The following ARHGEF33 variants were observed in gnomAD, a reference collection of about 807,000 sequenced individuals.
ARHGEF33 encodes the protein Rho guanine nucleotide exchange factor 33.
In ARHGEF33, 72 loss-of-function variants were observed where a neutral mutation model predicts 101.9. That is an observed-to-expected ratio of 0.71 (90% CI 0.58 to 0.86). The LOEUF is 0.86. Among genes scored for constraint, ARHGEF33 ranks in the 40% least tolerant of loss-of-function variants. ARHGEF33 has a pLI of 0.00. For synonymous variants in ARHGEF33, 499 were observed against 442.5 expected, an observed-to-expected ratio of 1.13 and a Z score of -1.60; for missense variants, 1,169 against 1,111.3, an observed-to-expected ratio of 1.05 and a Z score of -0.74.
chr2:38,960,200 A>C lies in ARHGEF33; in HGVS notation c.1895A>C (p.Glu632Ala). 1 of 1,545,232 alleles carries C rather than the reference A, an allele frequency of 6.5e-7. No homozygotes were observed. Residue 632 changes from glutamate (E) to alanine (A), a missense_variant, in exon 16 of 18, where the codon GAG (glutamate) becomes GCG (alanine). Transcript: ENST00000409978. ...GCGCTGCCCGCGCCCTACGACGAGG[A>C]GCCGTTCCAGGCTCCGGCCCTCTTC... is the stretch of plus-strand genomic sequence containing the variant. The part of the protein sequence containing the change: ...IFALPAPYDE[E>A]PFQAPALFEN...
At chr2:38,924,767 T>A (rs1666836490) in intron 4 of ARHGEF33, among the ~76,000 whole-genome samples, 1 of 152,244 alleles carries the variant, frequency 6.6e-6, no homozygotes, top group Admixed American at 6.5e-5. Context: ...ACTAATTAGT[T>A]GAATATATTG....
At chr2:38,934,935 C>T (rs543730292) in intron 7 of ARHGEF33, among the ~76,000 whole-genome samples, 4 of 151,514 alleles carry the variant, frequency 2.6e-5, no homozygotes, top group African/African-American at 4.8e-5. Flanking sequence ...GGGGAAGAAA[C>T]GGAGCAGCCA....
intron 9 of ARHGEF33, among the ~76,000 whole-genome samples, chr2:38,940,682 C>T (rs1360481373): frequency 6.6e-6 from 1 of 152,174 alleles, no homozygotes; most frequent in Non-Finnish European, 1.5e-5. Context: ...GCGGGTCCTT[C>T]TTGCCGGCTT....
chr2:38,957,946 C>A, intron 14 of ARHGEF33, 88 bp from the exon 15 acceptor site: 1 of 1,441,628 alleles, frequency 6.9e-7, no homozygotes, highest in Non-Finnish European at 9.5e-7. Context: ...TTATCTGAGA[C>A]ATCTCTCTAT....
chr2:38,903,531 A>G (rs1170114934), intron 2 of ARHGEF33, among the ~76,000 whole-genome samples: 3 of 152,196 alleles, frequency 2.0e-5, no homozygotes, highest in Non-Finnish European at 4.4e-5. Flanking sequence ...ACTAGGGGAC[A>G]AAGGCAAGCC....
Position 38,960,204 on chromosome 2 carries a change from G to T in ARHGEF33, c.1899G>T (p.Pro633=), listed in dbSNP as rs2124423328. 1 of 1,545,574 alleles carries T rather than the reference G, an allele frequency of 6.5e-7. No individual in the cohort carries two copies. The highest frequency in any genetic ancestry group is 8.7e-7 in the Non-Finnish European group (1 of 1,144,636). The change falls in exon 16 of 18, where the codon CCG becomes CCT. Residue 633 remains proline (P), a synonymous_variant. Coordinates refer to ENST00000409978, the MANE Select transcript of ARHGEF33 (RefSeq NM_001145451.5). ...TGCCCGCGCCCTACGACGAGGAGCCGTTCCAGGCTCCGGCCCTCTTCGAGA... is the reference window on the plus strand; with the variant it reads ...TGCCCGCGCCCTACGACGAGGAGCCTTTCCAGGCTCCGGCCCTCTTCGAGA... ...FALPAPYDEE[P]FQAPALFENC...
At position 38,973,696 on chromosome 2, in the gene ARHGEF33, T is replaced by C; in HGVS notation, c.2484-18T>C. On this transcript the variant is annotated intron_variant, in intron 17 of 17. Coordinates refer to ENST00000409978, the MANE Select transcript of ARHGEF33 (RefSeq NM_001145451.5). ...AAACCAAATCAACCTGTACTTTATC[T>C]GTGTGCTGAGATTTTAGGTCCAGTG... 4 of 1,520,912 alleles carry C rather than the reference T, an allele frequency of 2.6e-6. No homozygotes were observed. Among genetic ancestry groups the C allele is most frequent in the Non-Finnish European group, 3.5e-6 (4 of 1,132,874 alleles). 94.2% of individuals were successfully genotyped at this position (1,520,912 alleles called of 1,614,324 possible). A position where few individuals can be genotyped will look rare whatever the true frequency, so the allele number is the denominator to read the frequency against.
intron 13 of ARHGEF33, among the ~76,000 whole-genome samples, chr2:38,955,122 C>G (rs895693696): frequency 6.6e-6 from 1 of 152,194 alleles, no homozygotes; most frequent in Non-Finnish European, 1.5e-5. Context: ...CACCTGACAT[C>G]TAAATATCCA....
At chr2:38,969,794 G>A (rs1460283361) in intron 17 of ARHGEF33, among the ~76,000 whole-genome samples, 1 of 152,204 alleles carries the variant, frequency 6.6e-6, no homozygotes, top group Non-Finnish European at 1.5e-5. Flanking sequence ...CAGACTTACT[G>A]TGGTAGGCTG....
At chr2:38,895,265 T>G (rs1366755481) in intron 1 of ARHGEF33, among the ~76,000 whole-genome samples, 1 of 152,254 alleles carries the variant, frequency 6.6e-6, no homozygotes, top group Admixed American at 6.5e-5. Flanking sequence ...ACAGAATGTT[T>G]TCTAAATAGA....
intron 9 of ARHGEF33, among the ~76,000 whole-genome samples, chr2:38,937,982 A>G (rs778345634): frequency 1.3e-5 from 2 of 152,178 alleles, no homozygotes; most frequent in Admixed American, 1.3e-4. Flanking sequence ...AGTATTGCTG[A>G]ACAATTACTG....
chr2:38,969,643 C>G (rs946372891), intron 17 of ARHGEF33: 7 of 161,100 alleles, frequency 4.3e-5, no homozygotes, highest in Admixed American at 3.3e-4. Flanking sequence ...GTTTCCATCT[C>G]AGGCACATTT....
At chr2:38,969,770 A>T (rs1179986154) in intron 17 of ARHGEF33, 2 of 152,224 alleles carry the variant, frequency 1.3e-5, no homozygotes, top group African/African-American at 4.8e-5. Flanking sequence ...TTAAATGAGG[A>T]TTCTTAGAGG....
chr2:38,903,155 GTCTT>G (rs1666286810), intron 2 of ARHGEF33, among the ~76,000 whole-genome samples: 1 of 152,100 alleles, frequency 6.6e-6, no homozygotes, highest in Non-Finnish European at 1.5e-5. Context: ...ATTCCAAACA[GTCTT>G]TTAACATTTT....
In ARHGEF33 at chr2:38,954,470, G is replaced by T. The variant is rs2124416803; in HGVS notation, c.1221+14G>T. 6.6e-7 allele frequency: 1 copy of T among 1,519,974 alleles called. No homozygotes were observed. Among genetic ancestry groups the T allele is most frequent in the Non-Finnish European group, 8.9e-7 (1 of 1,118,268 alleles). 94.2% of individuals were successfully genotyped at this position (1,519,974 alleles called of 1,614,324 possible). ...ATACATCTGCAGGTAGGCATGGGTGGGAAAGCCACCAAACTGATTTGCATG... is the reference window on the plus strand; with the variant it reads ...ATACATCTGCAGGTAGGCATGGGTGTGAAAGCCACCAAACTGATTTGCATG... On this transcript the variant is annotated intron_variant, in intron 13 of 17. Coordinates refer to ENST00000409978, the MANE Select transcript of ARHGEF33 (RefSeq NM_001145451.5).
chr2:38,945,563 C>T (rs932907058), intron 10 of ARHGEF33, among the ~76,000 whole-genome samples: 3 of 152,232 alleles, frequency 2.0e-5, no homozygotes, highest in East Asian at 1.9e-4. Flanking sequence ...CTCCCAGCTG[C>T]GCTGCAGGCC....
intron 2 of ARHGEF33, among the ~76,000 whole-genome samples, chr2:38,902,025 G>C (rs1422834193): frequency 6.6e-6 from 1 of 151,472 alleles, no homozygotes; most frequent in African/African-American, 2.4e-5. Context: ...TGAGGCAGGA[G>C]AATGGCGTGA....
At chr2:38,934,258 TC>T (rs1183045842) in intron 7 of ARHGEF33, among the ~76,000 whole-genome samples, 1 of 152,218 alleles carries the variant, frequency 6.6e-6, no homozygotes, top group Non-Finnish European at 1.5e-5. Flanking sequence ...TTCTGGATGC[TC>T]CTTCTTAGAT....
intron 7 of ARHGEF33, 200 bp downstream of exon 7, chr2:38,931,451 G>A: frequency 2.0e-6 from 1 of 490,510 alleles, no homozygotes; most frequent in Non-Finnish European, 3.5e-6. Context: ...TTTTTTTTTG[G>A]TGTGTGGTCG....
Sources: gnomAD v4.1 joint callset for allele counts (sites outside exome capture counted in the v4.1 genomes callset) on GRCh38, gnomAD v4.1.1 for gene constraint, MANE v1.5 for transcripts, NCBI Gene and HGNC (gene_info 2026-07-23, HGNC 2026-07-21) for gene names.